TBC1D2: variants seen among roughly 807,000 people sequenced by gnomAD.
TBC1D2 encodes TBC1 domain family member 2A.
A neutral mutation model predicts 91.1 loss-of-function variants in TBC1D2; 58 were observed. That is an observed-to-expected ratio of 0.64 (90% CI 0.52 to 0.79). The LOEUF is 0.79. TBC1D2 is among the 30% of genes least tolerant of loss of function. The pLI is 0.00. For synonymous variants in TBC1D2, 482 were observed against 511.5 expected, an observed-to-expected ratio of 0.94 and a Z score of 0.78; for missense variants, 1,080 against 1,208.3, an observed-to-expected ratio of 0.89 and a Z score of 1.57.
intron 1 of TBC1D2, among the ~76,000 whole-genome samples, chr9:98,253,645 A>C (rs1829914697): frequency 6.6e-6 from 1 of 152,030 alleles, no homozygotes; most frequent in Non-Finnish European, 1.5e-5. Context: ...CTTGGCCTGG[A>C]ATACCTTTCT....
At chr9:98,252,117 C>T (rs780118080) in intron 1 of TBC1D2, among the ~76,000 whole-genome samples, 191 bp from the exon 2 acceptor site, 1 of 152,158 alleles carries the variant, frequency 6.6e-6, no homozygotes, top group African/African-American at 2.4e-5. Flanking sequence ...TCAGCGGTTC[C>T]TTAGCTGCTC....
chr9:98,247,601 C>T (rs1436732299), intron 2 of TBC1D2, among the ~76,000 whole-genome samples: 1 of 149,322 alleles, frequency 6.7e-6, no homozygotes, highest in Non-Finnish European at 1.5e-5. Flanking sequence ...TGGTGGCACG[C>T]ACCTATAGTC....
In TBC1D2 at chr9:98,203,151, C is replaced by T; in HGVS notation, c.2271+137G>A. On this transcript the variant is annotated intron_variant, in intron 10 of 12. Transcript: ENST00000465784. ...AGGTTGGGCTTCTCTTCCATGCAGC[C>T]AAATGCACTCCCACAGTGCAGAGGG... 3 of 1,362,772 alleles carry T rather than the reference C, an allele frequency of 2.2e-6. No individual in the cohort carries two copies. In the South Asian group the frequency reaches 4.2e-5, roughly 19 times the overall value. The allele number at this position is 1,362,772 out of a possible 1,614,324, so 84.4% of individuals were successfully genotyped here. A position where few individuals can be genotyped will look rare whatever the true frequency, so the allele number is the denominator to read the frequency against.
chr9:98,201,820 C>T (rs981330665), intron 10 of TBC1D2, among the ~76,000 whole-genome samples, 156 bp from the exon 11 acceptor site: 1 of 152,202 alleles, frequency 6.6e-6, no homozygotes, highest in Non-Finnish European at 1.5e-5. Flanking sequence ...AGCCAGGGGC[C>T]AGTCTAGCTG....
At chr9:98,239,276 C>T (rs1290795719) in intron 3 of TBC1D2, among the ~76,000 whole-genome samples, 1 of 152,148 alleles carries the variant, frequency 6.6e-6, no homozygotes, top group Non-Finnish European at 1.5e-5. Flanking sequence ...TGGTCTCAAA[C>T]TCCTGGCCTC....
intron 6 of TBC1D2, 21 bp from the exon 7 acceptor site, chr9:98,213,239 T>G (rs780439568): frequency 6.8e-6 from 11 of 1,613,872 alleles, no homozygotes; most frequent in Non-Finnish European, 9.3e-6. Flanking sequence ...GAGTAAAATA[T>G]GTTATCAGTT....
intron 6 of TBC1D2, among the ~76,000 whole-genome samples, chr9:98,215,035 C>T (rs1828937349): frequency 6.6e-6 from 1 of 152,176 alleles, no homozygotes; most frequent in African/African-American, 2.4e-5. Flanking sequence ...GCGCCACCCT[C>T]CTCCCCCTAT....
At position 98,222,884 on chromosome 9, in the gene TBC1D2, A is replaced by G. The variant is rs540190086; in HGVS notation, c.979-1656T>C. Among the ~76,000 whole-genome samples the G allele has an allele frequency of 3.3e-5, 5 of 152,366 alleles. No homozygotes were observed. In the East Asian group the frequency reaches 9.6e-4, roughly 29 times the overall value. On this transcript the variant is annotated intron_variant, in intron 5 of 12. Coordinates refer to ENST00000465784, the MANE Select transcript of TBC1D2 (RefSeq NM_001267571.2). ...GACTTTTTTGGAGAAGCTAATGACA[A>G]GACCACATTAGCCTGCATCTTCTGA...
rs772793838 is a variant in TBC1D2, at chr9:98,251,803, C to T, written c.493G>A (p.Val165Ile). 36 of 1,599,796 alleles carry T rather than the reference C, an allele frequency of 2.3e-5. No individual in the cohort carries two copies. The highest frequency in any genetic ancestry group is 1.1e-4 in the African/African-American group (8 of 73,824). Reference protein sequence around the residue: ...PDAALAGNGPVLHLELGQEEA... With the variant: ...PDAALAGNGPILHLELGQEEA... ...TGGGTACCTAGCTCGAGGTGCAGGA[C>T]GGGCCCATTCCCAGCCAGGGCGGCA... The change falls in exon 2 of 13, where the codon GTC (valine) becomes ATC (isoleucine). Residue 165 changes from valine to isoleucine, a missense_variant. Transcript: ENST00000465784.
chr9:98,229,314 C>G, intron 4 of TBC1D2, 166 bp from the exon 5 acceptor site: 2 of 636,950 alleles, frequency 3.1e-6, no homozygotes, highest in Non-Finnish European at 5.4e-6. Context: ...AGAATATGCA[C>G]TTCTAAAAAG....
intron 5 of TBC1D2, among the ~76,000 whole-genome samples, chr9:98,226,065 G>C (rs1829225945): frequency 6.6e-6 from 1 of 152,330 alleles, no homozygotes; most frequent in African/African-American, 2.4e-5. Context: ...GGTCTCAGAT[G>C]GACAGCGGCT....
intron 3 of TBC1D2, among the ~76,000 whole-genome samples, chr9:98,241,745 C>T (rs1406515715): frequency 2.6e-5 from 4 of 152,156 alleles, no homozygotes; most frequent in African/African-American, 9.7e-5. Flanking sequence ...TCCCAATGCA[C>T]CCAGTTCCCT....
chr9:98,235,304 G>A (rs1218754204), intron 3 of TBC1D2: 1 of 391,788 alleles, frequency 2.6e-6, no homozygotes, highest in Non-Finnish European at 5.1e-6. Context: ...CATAACAGAT[G>A]GTGCAGATCG....
In TBC1D2 at chr9:98,244,260, C is replaced by T. The variant is rs541269262; in HGVS notation, c.512-131G>A. On this transcript the variant is annotated intron_variant, in intron 2 of 12. Coordinates refer to ENST00000465784, the MANE Select transcript of TBC1D2 (RefSeq NM_001267571.2). ...TGGAGAGTTGCAGGGGCAAGCAGGC[C>T]CTCCCTGTAGGTTAACAGCAGCAAA... The T allele has an allele frequency of 2.6e-5, 32 of 1,220,812 alleles. No homozygotes were observed. In the East Asian group the frequency reaches 6.5e-4, roughly 25 times the overall value. 75.6% of individuals were successfully genotyped at this position (1,220,812 alleles called of 1,614,324 possible).
At position 98,228,094 on chromosome 9, in the gene TBC1D2, C is replaced by A. The variant is rs1829278458; in HGVS notation, c.978+858G>T. On this transcript the variant is annotated intron_variant, in intron 5 of 12. Transcript: ENST00000465784. This position sits in a 1 kb window ranked among gnomAD's most constrained non-coding sequence, Gnocchi z 4.0. The stretch of plus-strand genomic sequence containing the variant: ...GGCCTCCGGGCAGCCAAAGTTCAAA[C>A]ACAAAAGCTTAGGCCTTCCTCTAGA... Among the ~76,000 whole-genome samples the A allele has an allele frequency of 6.6e-6, 1 of 152,218 alleles. No homozygotes were observed. Among genetic ancestry groups the A allele is most frequent in the African/African-American group, 2.4e-5 (1 of 41,460 alleles).
intron 10 of TBC1D2, among the ~76,000 whole-genome samples, chr9:98,202,691 G>A (rs1027782497): frequency 6.6e-6 from 1 of 152,200 alleles, no homozygotes; most frequent in African/African-American, 2.4e-5. Context: ...GCCAGGTAAT[G>A]GACACATGGA....
At chr9:98,232,786 T>C (rs1424437985) in intron 4 of TBC1D2, among the ~76,000 whole-genome samples, 2 of 152,234 alleles carry the variant, frequency 1.3e-5, no homozygotes, top group Non-Finnish European at 2.9e-5. Context: ...TATGTGTGTA[T>C]AGGTCTATGC....
At position 98,199,134 on chromosome 9, in the gene TBC1D2, T is replaced by C; in HGVS notation, c.*247A>G. On this transcript the variant is annotated 3_prime_UTR_variant, in exon 13 of 13. Coordinates refer to ENST00000465784, the MANE Select transcript of TBC1D2 (RefSeq NM_001267571.2). ...CTTGCTTGTTTACATGCCAAAGTGC[T>C]CTGTGGAAGAGGTGACGAAAGGGTG... 1 of 593,870 alleles carries C rather than the reference T, an allele frequency of 1.7e-6. No individual in the cohort carries two copies. Among genetic ancestry groups the C allele is most frequent in the Non-Finnish European group, 3.0e-6 (1 of 332,576 alleles). 36.8% of individuals were successfully genotyped at this position (593,870 alleles called of 1,614,324 possible). A position where few individuals can be genotyped will look rare whatever the true frequency, so the allele number is the denominator to read the frequency against.
chr9:98,247,145 TGGGGAAACCCATCTCTACTAAAAATACAA>T (rs1253926725), intron 2 of TBC1D2, among the ~76,000 whole-genome samples: 1 of 151,078 alleles, frequency 6.6e-6, no homozygotes, highest in Non-Finnish European at 1.5e-5. Flanking sequence ...CTGGCCAACG[TGGGGAAACCCATCTCTACTAAAAATACAA>T]AAACAAACTG....
Sources: allele counts gnomAD v4.1 joint callset (sites outside exome capture counted in the v4.1 genomes callset), GRCh38; gene constraint gnomAD v4.1.1; non-coding constraint Gnocchi (gnomAD v3.1); transcripts MANE v1.5; gene names NCBI Gene and HGNC (gene_info 2026-07-23, HGNC 2026-07-21).